The following HMCN2 variants were observed in gnomAD, a reference collection of about 807,000 sequenced individuals.
HMCN2 encodes the protein hemicentin-2.
A neutral mutation model predicts 377.5 loss-of-function variants in HMCN2; 325 were observed. The observed-to-expected ratio is 0.86, with a 90% confidence interval of 0.79 to 0.94. The LOEUF is 0.94. Among genes scored for constraint, HMCN2 ranks in the 40% least tolerant of loss-of-function variants. HMCN2 has a pLI of 0.00. For missense variants in HMCN2, 4,543 were observed against 4,725.3 expected (o/e 0.96, Z 1.13); for synonymous variants, 2,007 against 2,046.8 (o/e 0.98, Z 0.53).
chr9:130,332,601 T>C (rs1486440479), intron 22 of HMCN2, among the ~76,000 whole-genome samples: 1 of 152,202 alleles, frequency 6.6e-6, no homozygotes, highest in Non-Finnish European at 1.5e-5. Context: ...GCGATGGCGC[T>C]GGCTCCGTCT....
At chr9:130,398,153 CAAAAAAA>C (rs397940740) in intron 74 of HMCN2, among the ~76,000 whole-genome samples, 502 of 33,914 alleles carry the variant, frequency 0.015, 5 homozygotes, top group African/African-American at 0.048. Context: ...ACTCCGTCTA[CAAAAAAA>C]AAAAAAAAAA....
chr9:130,295,644 G>A (rs1554931769), intron 5 of HMCN2, 22 bp from the exon 6 acceptor site: 2 of 469,338 alleles, frequency 4.3e-6, no homozygotes, highest in East Asian at 6.9e-5. Context: ...TAGGGACTGA[G>A]CAGCCCTTGG....
At position 130,403,263 on chromosome 9, in the gene HMCN2, G is replaced by C; in HGVS notation, c.11948G>C (p.Cys3983Ser). ...GCAGAGGAGGAGGTGCTGCTGCCCTGCGAGGCCTCAGGCATCCCCCGGCCG... is the reference window on the plus strand; with the variant it reads ...GCAGAGGAGGAGGTGCTGCTGCCCTCCGAGGCCTCAGGCATCCCCCGGCCG... ...AVAEEEVLLP[C>S]EASGIPRPTI... Residue 3983 changes from cysteine to serine, a missense_variant, in exon 79 of 98, where the codon TGC (cysteine) becomes TCC (serine). Cys to Ser is a moderately radical substitution (Grantham distance 112). Around this residue, in one of 5 missense-constraint regions of HMCN2, gnomAD observed 1,073 missense variants for 1,319.5 expected, o/e 0.81. Transcript: ENST00000683500. The C allele has an allele frequency of 7.8e-7, 1 of 1,289,822 alleles. No individual in the cohort carries two copies. The highest frequency in any genetic ancestry group is 1.0e-6 in the Non-Finnish European group (1 of 988,862). The allele number at this position is 1,289,822 out of a possible 1,614,324, so 79.9% of individuals were successfully genotyped here.
At position 130,422,608 on chromosome 9, in the gene HMCN2, TG is replaced by T; in HGVS notation, c.13267del (p.Val4423Ter). The part of the protein sequence containing the change: ...EPQGSWGSMT[G>X]VINGRKFGVA... ...CCCAGGGGAGCTGGGGCAGCATGAC[TG>T]GGGTGATAAATGGCCGGAAATTTGG... On this transcript the variant is annotated frameshift_variant, in exon 87 of 98. Transcript: ENST00000683500. LOFTEE classifies it high-confidence loss of function. This position sits in a 1 kb window ranked among gnomAD's most constrained non-coding sequence, Gnocchi z 4.2. 1 of 1,330,326 alleles carries T rather than the reference TG, an allele frequency of 7.5e-7. No individual in the cohort carries two copies. The highest frequency in any genetic ancestry group is 9.7e-7 in the Non-Finnish European group (1 of 1,034,400). The allele number at this position is 1,330,326 out of a possible 1,614,324, so 82.4% of individuals were successfully genotyped here.
At chr9:130,329,439 C>CTT (rs869081836) in intron 22 of HMCN2, among the ~76,000 whole-genome samples, 1,647 of 105,786 alleles carry the variant, frequency 0.016, 60 homozygotes, top group Non-Finnish European at 0.024. Flanking sequence ...AATAGCCTCA[C>CTT]TTTTTTTTTT....
intron 25 of HMCN2, among the ~76,000 whole-genome samples, chr9:130,345,523 T>C (rs1236057464): frequency 6.7e-6 from 1 of 148,944 alleles, no homozygotes; most frequent in Non-Finnish European, 1.5e-5. Flanking sequence ...TGTATGGTGT[T>C]TGGTGTGTAT....
At chr9:130,311,580 C>A (rs1837243584) in intron 15 of HMCN2, among the ~76,000 whole-genome samples, 1 of 152,112 alleles carries the variant, frequency 6.6e-6, no homozygotes, top group Non-Finnish European at 1.5e-5. Flanking sequence ...GAAGGTGCAT[C>A]CTCAGGGGCT....
intron 73 of HMCN2, 112 bp downstream of exon 73, chr9:130,396,425 G>A (rs559667677): frequency 1.5e-5 from 13 of 886,958 alleles, no homozygotes; most frequent in African/African-American, 7.1e-5. Context: ...TCATCAGGAC[G>A]TGGGGTGTCT....
intron 32 of HMCN2, 85 bp from the exon 33 acceptor site, chr9:130,355,661 C>T (rs1270352815): frequency 6.7e-6 from 5 of 751,454 alleles, no homozygotes; most frequent in African/African-American, 1.8e-5. Context: ...AGCTGGGCCT[C>T]GCTTGGAAGG....
intron 45 of HMCN2, among the ~76,000 whole-genome samples, chr9:130,370,629 G>A (rs895446289): frequency 1.3e-5 from 2 of 152,240 alleles, no homozygotes; most frequent in Admixed American, 1.3e-4. Flanking sequence ...CTTCGCCTTT[G>A]CACTAATTCC....
chr9:130,345,538 T>C (rs1303165082), intron 25 of HMCN2, among the ~76,000 whole-genome samples: 1 of 149,808 alleles, frequency 6.7e-6, no homozygotes, highest in Non-Finnish European at 1.5e-5. Flanking sequence ...GTGTATAGTA[T>C]GTGGTGTGTG....
chr9:130,296,726 A>G lies in HMCN2; in HGVS notation c.944A>G (p.Asp315Gly), dbSNP rs200173758. 216 of 471,018 alleles carry G rather than the reference A, an allele frequency of 4.6e-4. No individual in the cohort carries two copies. Among genetic ancestry groups the G allele is most frequent in the Middle Eastern group, 2.6e-3 (8 of 3,078 alleles). The allele number at this position is 471,018 out of a possible 1,614,324, so 29.2% of individuals were successfully genotyped here. ...AGGATCACAGGCGTCAGCAACATTG[A>G]CTTCCGAGCCGGCTTCTCCACTCAG... ...SVRITGVSNI[D>G]FRAGFSTQPL... is the part of the protein sequence containing the mutation. Residue 315 changes from aspartate to glycine, a missense_variant, in exon 7 of 98, where the codon GAC (aspartate) becomes GGC (glycine). Physicochemically the swap from Asp to Gly is moderately conservative, Grantham distance 94 (BLOSUM62 -1). Around this residue, in one of 5 missense-constraint regions of HMCN2, gnomAD observed 547 missense variants for 189.9 expected, o/e 2.88. Transcript: ENST00000683500.
rs776583771 is a variant in HMCN2 at position 130,360,883 on chromosome 9, A to G, written c.5950+279A>G. Among the ~76,000 whole-genome samples, 3 of 150,202 alleles carry G rather than the reference A, an allele frequency of 2.0e-5. No homozygotes were observed. The highest frequency in any genetic ancestry group is 4.4e-5 in the Non-Finnish European group (3 of 67,692). ...CATCCATCAACTCATCTATCCATCC[A>G]TCCATCCATCCATCTCTCATCCATC... On this transcript the variant is annotated intron_variant, in intron 38 of 97. Coordinates refer to ENST00000683500, the MANE Select transcript of HMCN2 (RefSeq NM_001291815.2). The surrounding 1 kb of genome is among the most constrained non-coding windows in gnomAD (Gnocchi z 4.7).
At chr9:130,282,604 G>A (rs1391812349) in intron 1 of HMCN2, among the ~76,000 whole-genome samples, 1 of 152,232 alleles carries the variant, frequency 6.6e-6, no homozygotes, top group Non-Finnish European at 1.5e-5. Flanking sequence ...AGGGGCCGGG[G>A]CCACGGGGGA....
intron 1 of HMCN2, among the ~76,000 whole-genome samples, chr9:130,277,609 C>A (rs1487163980): frequency 6.6e-6 from 1 of 152,174 alleles, no homozygotes; most frequent in African/African-American, 2.4e-5. Context: ...CTTTTATGAG[C>A]AAATGCACGT....
At position 130,303,058 on chromosome 9, in the gene HMCN2, C is replaced by A; in HGVS notation, c.1421+57C>A. On this transcript the variant is annotated intron_variant, in intron 9 of 97. Coordinates refer to ENST00000683500, the MANE Select transcript of HMCN2 (RefSeq NM_001291815.2). The surrounding 1 kb of genome is among the most constrained non-coding windows in gnomAD (Gnocchi z 5.2). Reference sequence around the variant, plus strand: ...GCCACAGGGCTCCTGGCTGCTGAGGCCCTGGAGGGATCTCAGGGGAGTGGG... The same window carrying A: ...GCCACAGGGCTCCTGGCTGCTGAGGACCTGGAGGGATCTCAGGGGAGTGGG... 2.4e-6 allele frequency: 1 copy of A among 423,740 alleles called. No homozygotes were observed. Among genetic ancestry groups the A allele is most frequent in the Admixed American group, 2.6e-5 (1 of 38,400 alleles). The allele number at this position is 423,740 out of a possible 1,614,324, so 26.2% of individuals were successfully genotyped here. A position where few individuals can be genotyped will look rare whatever the true frequency, so the allele number is the denominator to read the frequency against.
At chr9:130,285,914 G>A (rs529837476) in intron 3 of HMCN2, among the ~76,000 whole-genome samples, 14 of 152,264 alleles carry the variant, frequency 9.2e-5, no homozygotes, top group African/African-American at 2.4e-4. Context: ...TTCCACGCTC[G>A]TCTTTATTGT....
Position 130,428,450 on chromosome 9 carries a change from G to A in HMCN2, c.14158G>A (p.Gly4720Arg). 6.5e-7 allele frequency: 1 copy of A among 1,545,096 alleles called. No homozygotes were observed. The highest frequency in any genetic ancestry group is 8.7e-7 in the Non-Finnish European group (1 of 1,146,940). The part of the protein sequence containing the change: ...LGSYRCLPDC[G>R]PGFRVADGAG... The stretch of plus-strand genomic sequence containing the variant: ...GTCCTACCGCTGCCTCCCCGACTGT[G>A]GGCCTGGCTTCCGGGTGGCTGATGG... The change falls in exon 93 of 98, where the codon GGG becomes AGG. Residue 4720 changes from glycine (G) to arginine (R), a missense_variant. This residue lies in a region of HMCN2 where 1,155 missense variants were observed against 1,157.7 expected (regional missense o/e 1.00). Coordinates refer to ENST00000683500, the MANE Select transcript of HMCN2 (RefSeq NM_001291815.2). This position sits in a 1 kb window ranked among gnomAD's most constrained non-coding sequence, Gnocchi z 5.0.
intron 45 of HMCN2, 102 bp from the exon 46 acceptor site, chr9:130,370,862 C>A: frequency 1.4e-6 from 1 of 697,846 alleles, no homozygotes; most frequent in Non-Finnish European, 1.8e-6. Flanking sequence ...TCAGACTCTC[C>A]CAATTGGGTG....
Sources: gnomAD v4.1 joint callset for allele counts (sites outside exome capture counted in the v4.1 genomes callset) on GRCh38, gnomAD v4.1.1 for gene constraint, gnomAD v4.1.1 regional missense constraint, Gnocchi (gnomAD v3.1) non-coding constraint, MANE v1.5 for transcripts, NCBI Gene and HGNC (gene_info 2026-07-23, HGNC 2026-07-21) for gene names.